Variants in STK3 observed in about 807,000 individuals in gnomAD.
STK3 encodes serine/threonine kinase 3, also known as serine/threonine-protein kinase 3.
A neutral mutation model predicts 58.0 loss-of-function variants in STK3; 41 were observed. The observed-to-expected ratio is 0.71, with a 90% CI of 0.55 to 0.92. STK3 has a LOEUF of 0.92. Among genes scored for constraint, STK3 ranks in the 40% least tolerant of loss-of-function variants. STK3 has a pLI of 0.00. For synonymous variants in STK3, 170 were observed against 191.0 expected, an observed-to-expected ratio of 0.89 and a Z score of 0.91; for missense variants, 479 against 602.7, an observed-to-expected ratio of 0.79 and a Z score of 2.15.
At chr8:98,381,031 C>T (rs1395976738) in intron 1 of STK3, among the ~76,000 whole-genome samples, 7 of 132,662 alleles carry the variant, frequency 5.3e-5, no homozygotes, top group African/African-American at 1.2e-4. Flanking sequence ...AGTGCAATGG[C>T]GCAATCTCGG....
rs574867422 is a variant in STK3, at chr8:98,937,895, C to T, written c.-79+4483G>A. Among the ~76,000 whole-genome samples the T allele has an allele frequency of 4.6e-5, 7 of 152,304 alleles. 1 individual carries two copies. The highest frequency in any genetic ancestry group is 1.7e-4 in the African/African-American group (7 of 41,560). On this transcript the variant is annotated intron_variant, in intron 1 of 1. Transcript: ENST00000519420. ...TGCTTTGAATGTTACTATATCAAAC[C>T]ATCTGCACTGGGAAGCAAAATTCTG...
chr8:98,513,309 C>T (rs1326559565), intron 10 of STK3, among the ~76,000 whole-genome samples: 1 of 152,146 alleles, frequency 6.6e-6, no homozygotes, highest in Non-Finnish European at 1.5e-5. Context: ...GGCAAGGGTA[C>T]ATCAGGAGCA....
At chr8:98,735,942 A>C (rs1217674338) in intron 4 of STK3, among the ~76,000 whole-genome samples, 2 of 152,146 alleles carry the variant, frequency 1.3e-5, no homozygotes, top group Non-Finnish European at 2.9e-5. Flanking sequence ...TTGTTTTATG[A>C]CTTTTAAAAT....
In STK3 at chr8:98,428,115, T is replaced by C. The variant is rs150305860; in HGVS notation, n.483+6012A>G. The C allele has an allele frequency of 3.7e-6, 6 of 1,613,902 alleles. No homozygotes were observed. The African/African-American group carries it at 8.0e-5, about 22-fold the overall frequency. The stretch of plus-strand genomic sequence containing the variant: ...CTTCCCCGAGACGCGCCTGGGCCGC[T>C]TGCTGCTCTGCCACTCGCGCGAGGC... On this transcript the variant is annotated intron_variant and non_coding_transcript_variant, in intron 3 of 3. Coordinates refer to the STK3 transcript ENST00000517832. The surrounding 1 kb of genome is among the most constrained non-coding windows in gnomAD (Gnocchi z 6.7).
chr8:98,684,149 G>A (rs776156527), intron 6 of STK3, among the ~76,000 whole-genome samples: 42 of 152,146 alleles, frequency 2.8e-4, no homozygotes, highest in Non-Finnish European at 5.7e-4. Flanking sequence ...AAAAATAACT[G>A]TTTTTCATCA....
At chr8:98,536,447 T>G (rs1809771334) in intron 9 of STK3, among the ~76,000 whole-genome samples, 1 of 152,026 alleles carries the variant, frequency 6.6e-6, no homozygotes, top group Non-Finnish European at 1.5e-5. Flanking sequence ...GATGACAGAG[T>G]GAGACCCTTC....
intron 1 of STK3, among the ~76,000 whole-genome samples, chr8:98,785,515 G>C (rs534872793): frequency 6.6e-6 from 1 of 152,092 alleles, no homozygotes; most frequent in East Asian, 1.9e-4. Context: ...AGGGTCTGGC[G>C]GTGAGCCTGC....
At chr8:98,640,675 C>A (rs1819954317) in intron 6 of STK3, among the ~76,000 whole-genome samples, 1 of 151,686 alleles carries the variant, frequency 6.6e-6, no homozygotes, top group South Asian at 2.1e-4. Context: ...AAGGAACATT[C>A]CAATATAATT....
intron 3 of STK3, among the ~76,000 whole-genome samples, chr8:98,407,399 C>G (rs1324207753): frequency 6.6e-6 from 1 of 152,154 alleles, no homozygotes; most frequent in African/African-American, 2.4e-5. Flanking sequence ...AAAGGGAGCA[C>G]TGGACAGGGA....
chr8:98,475,123 T>G (rs1021068513), intron 10 of STK3, among the ~76,000 whole-genome samples: 6 of 152,238 alleles, frequency 3.9e-5, no homozygotes, highest in Non-Finnish European at 8.8e-5. Flanking sequence ...TGAGCTCATC[T>G]GTATACCCAT....
intron 10 of STK3, among the ~76,000 whole-genome samples, chr8:98,525,912 C>T (rs868357433): frequency 6.6e-6 from 1 of 151,648 alleles, no homozygotes; most frequent in South Asian, 2.1e-4. Flanking sequence ...TTATATTTAT[C>T]TAAAATTGTA....
At chr8:98,601,538 A>G (rs748978717) in intron 6 of STK3, 3 of 152,242 alleles carry the variant, frequency 2.0e-5, no homozygotes, top group Non-Finnish European at 4.4e-5. Flanking sequence ...CATACCTGCA[A>G]TATATTAACT....
At chr8:98,903,797 T>C (rs1306150406) in intron 1 of STK3, among the ~76,000 whole-genome samples, 6 of 152,154 alleles carry the variant, frequency 3.9e-5, no homozygotes, top group Non-Finnish European at 7.3e-5. Context: ...CCCCAAATCA[T>C]AGTTTGTAGA....
chr8:98,359,893 G>A, the STK3 span, among the ~76,000 whole-genome samples: 12 of 152,126 alleles, frequency 7.9e-5, no homozygotes, highest in African/African-American at 2.9e-4. Flanking sequence ...TGTTTCCAGT[G>A]GCATGGGAAG....
chr8:98,373,680 G>C lies in STK3; in HGVS notation n.112-2002C>G, dbSNP rs183465790. 1.3e-4 allele frequency among the ~76,000 whole-genome samples: 20 copies of C among 152,322 alleles called. No individual in the cohort carries two copies. The East Asian group carries it at 2.9e-3, about 22-fold the overall frequency. Reference sequence around the variant, plus strand: ...CCATGCTGCCTCACCGCTGGAGGAAGGTGGTAGAAATTCCTTCTGCCCAAA... The same window carrying C: ...CCATGCTGCCTCACCGCTGGAGGAACGTGGTAGAAATTCCTTCTGCCCAAA... On this transcript the variant is annotated intron_variant and non_coding_transcript_variant, in intron 2 of 2. Transcript: ENST00000518704.
At chr8:98,495,469 C>T (rs1221430082) in intron 10 of STK3, among the ~76,000 whole-genome samples, 3 of 152,040 alleles carry the variant, frequency 2.0e-5, no homozygotes, top group Admixed American at 2.0e-4. Flanking sequence ...GTTCCATGTG[C>T]ACTGTTCATC....
chr8:98,812,790 A>G (rs566087859), intron 1 of STK3, among the ~76,000 whole-genome samples: 46 of 152,366 alleles, frequency 3.0e-4, no homozygotes, highest in African/African-American at 1.1e-3. Flanking sequence ...ACAAGGACAG[A>G]AAAGCAAACA....
At chr8:98,858,315 TATATATATAGAG>T (rs1220744260) in intron 3 of STK3, among the ~76,000 whole-genome samples, 3 of 57,256 alleles carry the variant, frequency 5.2e-5, no homozygotes, top group African/African-American at 1.3e-4. Flanking sequence ...TATATATATA[TATATATATAGAG>T]AGAGAGAGAG....
chr8:98,704,450 C>T (rs1374949192), intron 6 of STK3, among the ~76,000 whole-genome samples: 2 of 151,810 alleles, frequency 1.3e-5, no homozygotes, highest in Non-Finnish European at 2.9e-5. Context: ...GAAGAAATTG[C>T]CTATATACAA....
Sources: gnomAD v4.1 joint callset for allele counts (sites outside exome capture counted in the v4.1 genomes callset) on GRCh38, gnomAD v4.1.1 for gene constraint, Gnocchi (gnomAD v3.1) non-coding constraint, MANE v1.5 for transcripts, NCBI Gene and HGNC (gene_info 2026-07-23, HGNC 2026-07-21) for gene names.